CHRNA7: variants seen among roughly 807,000 people sequenced by gnomAD.
CHRNA7 encodes the protein cholinergic receptor nicotinic alpha 7 subunit, also known as neuronal acetylcholine receptor subunit alpha-7.
In CHRNA7, 17 loss-of-function variants were observed where a neutral mutation model predicts 48.0. That is an observed-to-expected ratio of 0.35 (90% CI 0.24 to 0.53). CHRNA7 has a LOEUF of 0.53. Ranked by LOEUF, CHRNA7 falls within the 20% of genes least tolerant of loss-of-function variation. The probability of loss-of-function intolerance (pLI) is 0.92; values close to 1 mark genes in which losing one functional copy is unlikely to be tolerated. For missense variants in CHRNA7, 155 were observed against 577.7 expected (o/e 0.27, Z 7.50); for synonymous variants, 75 against 242.3 (o/e 0.31, Z 6.41).
In CHRNA7 at chr15:32,090,462, C is replaced by G. The variant is rs570376666; in HGVS notation, c.196-10841C>G. Among the ~76,000 whole-genome samples, 47 of 152,304 alleles carry G rather than the reference C, an allele frequency of 3.1e-4. No homozygotes were observed. In the South Asian group the frequency reaches 9.7e-3, roughly 32 times the overall value. ...CACTCTCATTCATTGCTGGTTCACA[C>G]TCAGCAACCAGAGATTCACTGAAAT... On this transcript the variant is annotated intron_variant, in intron 2 of 9. Transcript: ENST00000306901.
At chr15:32,065,682 A>C (rs1408560887) in intron 2 of CHRNA7, among the ~76,000 whole-genome samples, 1 of 152,290 alleles carries the variant, frequency 6.6e-6, no homozygotes, top group Non-Finnish European at 1.5e-5. Context: ...GTGCACAGGC[A>C]GGAAGTGAAG....
rs562121676 is a variant in CHRNA7 at position 32,067,865 on chromosome 15, G to A, written c.196-33438G>A. Among the ~76,000 whole-genome samples the A allele has an allele frequency of 6.6e-5, 10 of 152,176 alleles. 1 individual carries two copies. Among genetic ancestry groups the A allele is most frequent in the Admixed American group, 2.6e-4 (4 of 15,288 alleles). Reference sequence around the variant, plus strand: ...AGTCAAGATGTTAATTGTAATTCCCGGGAAAAACAGCTTTACAAGAAGTAA... The same window carrying A: ...AGTCAAGATGTTAATTGTAATTCCCAGGAAAAACAGCTTTACAAGAAGTAA... On this transcript the variant is annotated intron_variant, in intron 2 of 9. Transcript: ENST00000306901.
Position 32,031,008 on chromosome 15 carries a change from TC to T in CHRNA7, c.169del (p.Leu57Ter). ...CTCGCAACCACTCACCGTCTACTTC[TC>T]CCTGAGCCTCCTGCAGATCATGGAC... ...NDSQPLTVYF[S>X]LSLLQIMDVD... On this transcript the variant is annotated frameshift_variant, in exon 2 of 10. Transcript: ENST00000306901. LOFTEE classifies it high-confidence loss of function. 1 of 1,614,166 alleles carries T rather than the reference TC, an allele frequency of 6.2e-7. No individual in the cohort carries two copies. Among genetic ancestry groups the T allele is most frequent in the Non-Finnish European group, 8.5e-7 (1 of 1,180,008 alleles).
At chr15:32,101,413 G>C in intron 3 of CHRNA7, 66 bp downstream of exon 3, 2 of 1,487,394 alleles carry the variant, frequency 1.3e-6, no homozygotes, top group Non-Finnish European at 1.8e-6. Flanking sequence ...TTCTTGTTCT[G>C]ATACCTGAGA....
At chr15:32,054,266 A>G (rs1205404648) in intron 2 of CHRNA7, among the ~76,000 whole-genome samples, 5 of 152,204 alleles carry the variant, frequency 3.3e-5, no homozygotes, top group Admixed American at 6.5e-5. Context: ...ACTGATTGCC[A>G]AAGTATATTT....
intron 2 of CHRNA7, among the ~76,000 whole-genome samples, chr15:32,037,419 GTC>G (rs759237530): frequency 6.6e-6 from 1 of 152,040 alleles, no homozygotes; most frequent in Non-Finnish European, 1.5e-5. Context: ...GGTCTTTTGC[GTC>G]TCTCTATAAA....
chr15:32,145,367 C>T (rs1231942665), intron 4 of CHRNA7, among the ~76,000 whole-genome samples: 1 of 152,154 alleles, frequency 6.6e-6, no homozygotes, highest in Admixed American at 6.5e-5. Context: ...TCAGGCTACA[C>T]GGGGGTCAGG....
At chr15:32,138,283 A>G (rs375106917) in intron 4 of CHRNA7, among the ~76,000 whole-genome samples, 2 of 152,188 alleles carry the variant, frequency 1.3e-5, no homozygotes, top group East Asian at 1.9e-4. Flanking sequence ...TTGTGACACA[A>G]TTTTATGCCA....
chr15:32,077,023 A>G (rs1023845129), intron 2 of CHRNA7, among the ~76,000 whole-genome samples: 2 of 152,172 alleles, frequency 1.3e-5, no homozygotes, highest in Non-Finnish European at 2.9e-5. Flanking sequence ...CTGGGAATGT[A>G]TGGTCCCACA....
chr15:32,047,617 A>G (rs891463800), intron 2 of CHRNA7, among the ~76,000 whole-genome samples: 4 of 152,126 alleles, frequency 2.6e-5, no homozygotes, highest in African/African-American at 9.7e-5. Flanking sequence ...TCATCTGCAA[A>G]CAGGGACAAT....
chr15:32,035,033 T>C (rs1902017003), intron 2 of CHRNA7, among the ~76,000 whole-genome samples: 1 of 152,198 alleles, frequency 6.6e-6, no homozygotes, highest in Non-Finnish European at 1.5e-5. Context: ...TTTGGATATA[T>C]TGTCTATGAT....
chr15:32,096,971 G>T (rs1461240904), intron 2 of CHRNA7, among the ~76,000 whole-genome samples: 1 of 152,140 alleles, frequency 6.6e-6, no homozygotes, highest in Non-Finnish European at 1.5e-5. Context: ...CTTCATCCCA[G>T]AGGGAGAGGG....
At chr15:32,051,132 C>T (rs1440118287) in intron 2 of CHRNA7, among the ~76,000 whole-genome samples, 1 of 151,180 alleles carries the variant, frequency 6.6e-6, no homozygotes, top group Non-Finnish European at 1.5e-5. Flanking sequence ...TCTGCCCGTT[C>T]TCAGATCTCC....
chr15:32,128,322 G>A (rs1220089208), intron 4 of CHRNA7, among the ~76,000 whole-genome samples: 1 of 151,876 alleles, frequency 6.6e-6, no homozygotes, highest in East Asian at 1.9e-4. Context: ...GTATCCATAT[G>A]TACAAAACTC....
intron 3 of CHRNA7, among the ~76,000 whole-genome samples, chr15:32,106,774 C>T (rs1369740449): frequency 1.3e-5 from 2 of 152,200 alleles, no homozygotes; most frequent in African/African-American, 4.8e-5. Context: ...TCCCAGCCTT[C>T]CTGGGTCCTT....
chr15:32,032,788 C>T (rs978921583), intron 2 of CHRNA7, among the ~76,000 whole-genome samples: 2 of 152,168 alleles, frequency 1.3e-5, no homozygotes, highest in Non-Finnish European at 2.9e-5. Flanking sequence ...GTCAGTAGAA[C>T]AGGCTCCTGA....
chr15:32,051,431 A>ACTCCG, intron 2 of CHRNA7, among the ~76,000 whole-genome samples: 1 of 152,206 alleles, frequency 6.6e-6, no homozygotes, highest in African/African-American at 2.4e-5. Context: ...GTGAGACTCC[A>ACTCCG]TGGGCGTAGG....
chr15:32,030,670 C>T, intron 1 of CHRNA7, 21 bp downstream of exon 1: 3 of 1,566,532 alleles, frequency 1.9e-6, no homozygotes, highest in Non-Finnish European at 2.6e-6. Context: ...TGCCTCCCCG[C>T]CCTCCACTCC....
intron 4 of CHRNA7, among the ~76,000 whole-genome samples, chr15:32,130,387 A>G (rs1180433028): frequency 6.6e-6 from 1 of 151,842 alleles, no homozygotes; most frequent in African/African-American, 2.4e-5. Context: ...TGATTGCTGC[A>G]TCTTCTTGGT....
Sources: gnomAD v4.1 joint callset for allele counts (sites outside exome capture counted in the v4.1 genomes callset) on GRCh38, gnomAD v4.1.1 for gene constraint, MANE v1.5 for transcripts, NCBI Gene and HGNC (gene_info 2026-07-23, HGNC 2026-07-21) for gene names.